PLPPR5: variants seen among roughly 807,000 people sequenced by gnomAD.
PLPPR5 encodes phospholipid phosphatase-related protein type 5.
In PLPPR5, 16 loss-of-function variants were observed where a neutral mutation model predicts 33.9. The ratio of observed to expected loss-of-function variants is 0.47; its 90% CI spans 0.32 to 0.72. The LOEUF (loss-of-function observed/expected upper bound fraction) is 0.72. Among genes scored for constraint, PLPPR5 ranks in the 30% least tolerant of loss-of-function variants. The pLI, the probability that PLPPR5 is intolerant of heterozygous loss-of-function variation, is 0.03. For missense variants in PLPPR5, 301 were observed against 406.7 expected, an observed-to-expected ratio of 0.74 and a Z score of 2.23; for synonymous variants, 163 against 150.3, an observed-to-expected ratio of 1.08 and a Z score of -0.62.
chr1:99,000,299 G>A (rs1378379498), intron 1 of PLPPR5, among the ~76,000 whole-genome samples: 1 of 152,166 alleles, frequency 6.6e-6, no homozygotes, highest in Non-Finnish European at 1.5e-5. Context: ...GAGATGAAGA[G>A]TTTGAAATTA....
chr1:98,926,596 T>TA (rs1456513277), intron 3 of PLPPR5, among the ~76,000 whole-genome samples: 1 of 152,000 alleles, frequency 6.6e-6, no homozygotes, highest in African/African-American at 2.4e-5. Flanking sequence ...AAGTTCCCCT[T>TA]ACCCTGGGCT....
intron 1 of PLPPR5, among the ~76,000 whole-genome samples, chr1:98,983,570 C>A (rs554890650): frequency 6.6e-6 from 1 of 150,940 alleles, no homozygotes; most frequent in East Asian, 2.0e-4. Context: ...GTCTTTATAG[C>A]AGCATGATTT....
intron 1 of PLPPR5, among the ~76,000 whole-genome samples, chr1:98,959,792 G>A (rs747461900): frequency 6.6e-5 from 10 of 152,138 alleles, no homozygotes; most frequent in South Asian, 2.1e-4. Context: ...CCCTCAGTCC[G>A]ATGAGCCAAG....
chr1:98,990,455 G>A (rs1340987154), intron 1 of PLPPR5, among the ~76,000 whole-genome samples: 1 of 152,050 alleles, frequency 6.6e-6, no homozygotes, highest in East Asian at 1.9e-4. Flanking sequence ...AAAATTTAAA[G>A]TTATGAATAT....
intron 2 of PLPPR5, among the ~76,000 whole-genome samples, chr1:98,955,249 A>G (rs1452658441): frequency 6.6e-6 from 1 of 152,156 alleles, no homozygotes; most frequent in Non-Finnish European, 1.5e-5. Flanking sequence ...TATAAGAAGA[A>G]GCATGCAGAG....
intron 3 of PLPPR5, among the ~76,000 whole-genome samples, chr1:98,948,332 A>G (rs2101203825): frequency 6.6e-6 from 1 of 152,214 alleles, no homozygotes; most frequent in South Asian, 2.1e-4. Flanking sequence ...GCTGTGTGGG[A>G]AGTGAGAGTG....
chr1:98,914,357 C>T (rs191500095), intron 5 of PLPPR5, among the ~76,000 whole-genome samples: 164 of 152,274 alleles, frequency 1.1e-3, no homozygotes, highest in Non-Finnish European at 1.9e-3. Flanking sequence ...ATGATCTTGG[C>T]TCATTGCAAC....
chr1:98,942,037 C>T (rs1650390517), intron 3 of PLPPR5, among the ~76,000 whole-genome samples: 1 of 148,132 alleles, frequency 6.8e-6, no homozygotes, highest in African/African-American at 2.5e-5. Flanking sequence ...TATATATACA[C>T]ATATACGTAT....
chr1:98,904,734 C>A (rs992698075), intron 5 of PLPPR5, among the ~76,000 whole-genome samples: 6 of 152,000 alleles, frequency 3.9e-5, no homozygotes, highest in Admixed American at 2.0e-4. Flanking sequence ...TGCAGTCTGA[C>A]CTATGAGGAT....
Position 98,986,668 on chromosome 1 carries a change from G to A in PLPPR5, c.237+17767C>T, listed in dbSNP as rs531792695. 9.9e-5 allele frequency among the ~76,000 whole-genome samples: 15 copies of A among 151,918 alleles called. No homozygotes were observed. In the East Asian group the frequency reaches 2.3e-3, roughly 24 times the overall value. ...AAACTGTAGAATATTTGTGGAAGACGAATCTTGTGAAAAGAATTTTATGCG... is the reference window on the plus strand; with the variant it reads ...AAACTGTAGAATATTTGTGGAAGACAAATCTTGTGAAAAGAATTTTATGCG... On this transcript the variant is annotated intron_variant, in intron 1 of 5. Coordinates refer to ENST00000263177, the MANE Select transcript of PLPPR5 (RefSeq NM_001037317.2).
At chr1:98,943,273 G>A (rs1398178812) in intron 3 of PLPPR5, among the ~76,000 whole-genome samples, 2 of 152,104 alleles carry the variant, frequency 1.3e-5, no homozygotes, top group African/African-American at 4.8e-5. Context: ...GTCCCCAGAG[G>A]GAAGGACCCT....
At chr1:98,957,825 A>G (rs1256474952) in intron 1 of PLPPR5, among the ~76,000 whole-genome samples, 1 of 152,204 alleles carries the variant, frequency 6.6e-6, no homozygotes, top group Non-Finnish European at 1.5e-5. Flanking sequence ...GCCCAAGAAC[A>G]AGGTTCTGTT....
intron 1 of PLPPR5, among the ~76,000 whole-genome samples, chr1:98,978,526 C>T (rs1201344375): frequency 6.6e-6 from 1 of 151,970 alleles, no homozygotes; most frequent in African/African-American, 2.4e-5. Context: ...TTCAAAACTC[C>T]CCATGGACCC....
At chr1:98,988,543 G>C (rs1035658609) in intron 1 of PLPPR5, among the ~76,000 whole-genome samples, 7 of 151,950 alleles carry the variant, frequency 4.6e-5, no homozygotes, top group African/African-American at 1.7e-4. Flanking sequence ...AACAAGATCT[G>C]CTTTGTTCCT....
chr1:98,898,407 T>G (rs968691315), intron 5 of PLPPR5, among the ~76,000 whole-genome samples: 2 of 152,156 alleles, frequency 1.3e-5, no homozygotes, highest in African/African-American at 4.8e-5. Flanking sequence ...TCCCTGTTTA[T>G]TTTGCGATTT....
At chr1:98,894,230 T>C (rs1648389011) in intron 5 of PLPPR5, among the ~76,000 whole-genome samples, 1 of 152,038 alleles carries the variant, frequency 6.6e-6, no homozygotes, top group Non-Finnish European at 1.5e-5. Flanking sequence ...GGTAACATTT[T>C]AGAAACTTTA....
At chr1:98,944,464 T>C (rs309070) in intron 3 of PLPPR5, among the ~76,000 whole-genome samples, 54,802 of 152,176 alleles carry the variant, frequency 0.36, 10,004 homozygotes, top group Non-Finnish European at 0.39. Flanking sequence ...TCAGAGCCCA[T>C]AGAGCTAGCT....
chr1:98,938,566 C>T (rs994822529), intron 3 of PLPPR5, among the ~76,000 whole-genome samples: 1 of 147,920 alleles, frequency 6.8e-6, no homozygotes, highest in Non-Finnish European at 1.5e-5. Context: ...ATTTAAATTA[C>T]TTATTATATA....
intron 1 of PLPPR5, among the ~76,000 whole-genome samples, chr1:98,973,259 T>C (rs1047427392): frequency 1.3e-5 from 2 of 152,102 alleles, no homozygotes; most frequent in African/African-American, 2.4e-5. Context: ...ATTTAAAATA[T>C]ACAAATAACT....
Sources: allele counts gnomAD v4.1 joint callset (sites outside exome capture counted in the v4.1 genomes callset), GRCh38; gene constraint gnomAD v4.1.1; transcripts MANE v1.5; gene names NCBI Gene and HGNC (gene_info 2026-07-23, HGNC 2026-07-21).